Variants in TDRD3 observed in about 807,000 individuals in gnomAD.
TDRD3 encodes the protein tudor domain containing 3, also known as tudor domain-containing protein 3.
Under a neutral mutation model 86.7 loss-of-function variants are expected in TDRD3, and 45 were observed. The observed-to-expected ratio is 0.52, with a 90% CI of 0.41 to 0.67. The LOEUF is 0.67. Ranked by LOEUF, TDRD3 falls within the 30% of genes least tolerant of loss-of-function variation. The probability of loss-of-function intolerance (pLI) is 0.00; values close to 1 mark genes in which losing one functional copy is unlikely to be tolerated. For missense variants in TDRD3, 814 were observed against 889.0 expected (o/e 0.92, Z 1.07); for synonymous variants, 298 against 301.7 (o/e 0.99, Z 0.13).
chr13:60,484,873 G>A (rs1956394841), intron 6 of TDRD3: 1 of 291,934 alleles, frequency 3.4e-6, no homozygotes, highest in Non-Finnish European at 6.7e-6. Context: ...AAACATTTTG[G>A]TGATAATATT....
intron 5 of TDRD3, among the ~76,000 whole-genome samples, chr13:60,477,126 T>C (rs1388324283): frequency 6.6e-6 from 1 of 151,934 alleles, no homozygotes; most frequent in African/African-American, 2.4e-5. Context: ...TTGTCTTGTT[T>C]CAATTATCAA....
At chr13:60,544,886 A>G (rs923037585) in intron 12 of TDRD3, among the ~76,000 whole-genome samples, 7 of 152,218 alleles carry the variant, frequency 4.6e-5, no homozygotes, top group Admixed American at 4.6e-4. Flanking sequence ...TGATAGTATC[A>G]GAATTTTAAG....
chr13:60,453,065 A>G (rs912339121), intron 3 of TDRD3, among the ~76,000 whole-genome samples: 1 of 151,786 alleles, frequency 6.6e-6, no homozygotes. Flanking sequence ...CATTAGTTTT[A>G]TTTTTTCAAA....
At chr13:60,548,441 T>G (rs1957979312) in intron 12 of TDRD3, among the ~76,000 whole-genome samples, 1 of 152,224 alleles carries the variant, frequency 6.6e-6, no homozygotes, top group African/African-American at 2.4e-5. Flanking sequence ...TTGGTCTGAC[T>G]ATCTGTAAAT....
chr13:60,545,451 A>T (rs73542980), intron 12 of TDRD3, among the ~76,000 whole-genome samples: 2,958 of 152,240 alleles, frequency 0.019, 92 homozygotes, highest in African/African-American at 0.068. Flanking sequence ...TAAAGAGTTT[A>T]TTATACAAAG....
intron 7 of TDRD3, 123 bp downstream of exon 7, chr13:60,486,071 T>C: frequency 1.0e-6 from 1 of 988,126 alleles, no homozygotes; most frequent in Non-Finnish European, 1.4e-6. Context: ...CTTATTCTTC[T>C]TGCATATTCC....
At position 60,437,464 on chromosome 13, in the gene TDRD3, G is replaced by A. The variant is rs1048535106; in HGVS notation, c.42-2224G>A. Among the ~76,000 whole-genome samples the A allele has an allele frequency of 5.9e-5, 9 of 151,886 alleles. No homozygotes were observed. In the South Asian group the frequency reaches 1.0e-3, roughly 18 times the overall value. On this transcript the variant is annotated intron_variant, in intron 1 of 13. Coordinates refer to ENST00000377881, the MANE Select transcript of TDRD3 (RefSeq NM_001146070.2). ...TATAATGGAAAGAGTGCTGAATTGG[G>A]AGTTAGGAGTCATTTTTGTTTTTAA... is the stretch of plus-strand genomic sequence containing the variant.
chr13:60,490,319 A>C (rs1406536007), intron 7 of TDRD3, among the ~76,000 whole-genome samples: 1 of 152,182 alleles, frequency 6.6e-6, no homozygotes, highest in African/African-American at 2.4e-5. Flanking sequence ...GAGGTACGAG[A>C]ATTAACTACT....
chr13:60,422,323 G>A (rs1186058001), intron 1 of TDRD3, among the ~76,000 whole-genome samples: 2 of 152,110 alleles, frequency 1.3e-5, no homozygotes, highest in African/African-American at 4.8e-5. Context: ...TATATAGCAT[G>A]GATTGACTGG....
chr13:60,569,133 T>C (rs1958528475), intron 13 of TDRD3, among the ~76,000 whole-genome samples: 1 of 152,098 alleles, frequency 6.6e-6, no homozygotes. Flanking sequence ...CATGCCTAGC[T>C]GATTTTTGTA....
intron 7 of TDRD3, among the ~76,000 whole-genome samples, chr13:60,492,343 T>C (rs924941016): frequency 5.9e-5 from 9 of 152,218 alleles, no homozygotes; most frequent in Admixed American, 3.9e-4. Flanking sequence ...AAATAGTAAA[T>C]ACCATCTGTT....
intron 12 of TDRD3, among the ~76,000 whole-genome samples, chr13:60,551,693 G>C (rs1358583101): frequency 6.6e-6 from 1 of 152,072 alleles, no homozygotes; most frequent in Non-Finnish European, 1.5e-5. Flanking sequence ...TCAACATAAA[G>C]ATACTACCTG....
chr13:60,499,366 G>A (rs898449145), intron 8 of TDRD3, among the ~76,000 whole-genome samples: 15 of 152,234 alleles, frequency 9.9e-5, no homozygotes, highest in African/African-American at 3.6e-4. Flanking sequence ...TACCTGGTAT[G>A]TAGTCATTGA....
intron 8 of TDRD3, among the ~76,000 whole-genome samples, chr13:60,509,346 G>A (rs1016169709): frequency 6.6e-6 from 1 of 151,786 alleles, no homozygotes; most frequent in Admixed American, 6.6e-5. Flanking sequence ...CATTTTGTTA[G>A]CTTCAATAGT....
At chr13:60,410,997 C>T (rs1388595984) in intron 1 of TDRD3, among the ~76,000 whole-genome samples, 2 of 152,100 alleles carry the variant, frequency 1.3e-5, no homozygotes, top group African/African-American at 4.8e-5. Context: ...AATGGCTGTA[C>T]AGTACCATGA....
At chr13:60,550,940 G>A (rs1958035837) in intron 12 of TDRD3, among the ~76,000 whole-genome samples, 1 of 152,114 alleles carries the variant, frequency 6.6e-6, no homozygotes, top group South Asian at 2.1e-4. Context: ...AGCTGCTTAT[G>A]GATACTGCAG....
intron 10 of TDRD3, among the ~76,000 whole-genome samples, chr13:60,522,549 A>G (rs1217111091): frequency 6.6e-6 from 1 of 152,232 alleles, no homozygotes; most frequent in Non-Finnish European, 1.5e-5. Flanking sequence ...CTTAAAGATG[A>G]GGCTCAGAAA....
chr13:60,509,744 TTC>T lies in TDRD3; in HGVS notation c.859-15_859-14del. On this transcript the variant is annotated splice_polypyrimidine_tract_variant and intron_variant, in intron 8 of 13. Transcript: ENST00000377881. ...TTATCTGTGGGCTATCAGCCAGCTT[TTC>T]TCTTTATTCCTTCCAGGTTGATGAG... 1 of 1,613,304 alleles carries T rather than the reference TTC, an allele frequency of 6.2e-7. No homozygotes were observed. Among genetic ancestry groups the T allele is most frequent in the Non-Finnish European group, 8.5e-7 (1 of 1,179,380 alleles).
At chr13:60,479,522 G>A (rs537499188) in intron 5 of TDRD3, among the ~76,000 whole-genome samples, 134 of 152,248 alleles carry the variant, frequency 8.8e-4, no homozygotes, top group African/African-American at 3.2e-3. Context: ...CAATTGATTG[G>A]GTGTTGAGTT....
Sources: gnomAD v4.1 joint callset for allele counts (sites outside exome capture counted in the v4.1 genomes callset) on GRCh38, gnomAD v4.1.1 for gene constraint, MANE v1.5 for transcripts, NCBI Gene and HGNC (gene_info 2026-07-23, HGNC 2026-07-21) for gene names.